Variants in DOK5 observed in about 807,000 individuals in gnomAD.
The protein encoded by DOK5 is downstream of tyrosine kinase 5.
Under a neutral mutation model 43.3 loss-of-function variants are expected in DOK5, and 27 were observed. That is an observed-to-expected ratio of 0.62 (90% CI 0.46 to 0.86). The LOEUF is 0.86. DOK5 is among the 40% of genes least tolerant of loss of function. The probability of loss-of-function intolerance (pLI) is 0.00; values close to 1 mark genes in which losing one functional copy is unlikely to be tolerated. For synonymous variants in DOK5, 146 were observed against 140.1 expected, an observed-to-expected ratio of 1.04 and a Z score of -0.30; for missense variants, 373 against 392.9, an observed-to-expected ratio of 0.95 and a Z score of 0.43.
At position 54,543,695 on chromosome 20, in the gene DOK5, G is replaced by T. The variant is rs186816400; in HGVS notation, c.67-11238G>T. ...AACCTCCGCCTAATTTACAGAATGAGTGTATATGTATATAAACTAGAAGAG... is the reference window on the plus strand; with the variant it reads ...AACCTCCGCCTAATTTACAGAATGATTGTATATGTATATAAACTAGAAGAG... On this transcript the variant is annotated intron_variant, in intron 1 of 7. Coordinates refer to ENST00000262593, the MANE Select transcript of DOK5 (RefSeq NM_018431.5). Among the ~76,000 whole-genome samples the T allele has an allele frequency of 3.3e-5, 5 of 152,154 alleles. No individual in the cohort carries two copies. The East Asian group carries it at 5.8e-4, about 18-fold the overall frequency.
At chr20:54,586,637 G>A (rs928790076) in intron 2 of DOK5, among the ~76,000 whole-genome samples, 15 of 152,220 alleles carry the variant, frequency 9.9e-5, no homozygotes, top group African/African-American at 3.6e-4. Flanking sequence ...AAATAGGAAA[G>A]GTATAGGACA....
At chr20:54,624,651 G>A (rs1600746542) in intron 6 of DOK5, among the ~76,000 whole-genome samples, 2 of 141,690 alleles carry the variant, frequency 1.4e-5, no homozygotes, top group East Asian at 3.8e-4. Context: ...CAATGTATAG[G>A]TGGGGGAGAG....
At chr20:54,589,893 C>T (rs1237302906) in intron 4 of DOK5, among the ~76,000 whole-genome samples, 1 of 152,096 alleles carries the variant, frequency 6.6e-6, no homozygotes, top group Non-Finnish European at 1.5e-5. Flanking sequence ...AGAGGAGCCT[C>T]TTTGTAGATT....
intron 6 of DOK5, among the ~76,000 whole-genome samples, chr20:54,621,232 C>T (rs1600743424): frequency 6.6e-6 from 1 of 152,170 alleles, no homozygotes; most frequent in Non-Finnish European, 1.5e-5. Flanking sequence ...TGGGAAGAGG[C>T]TTTCATGTAT....
intron 5 of DOK5, among the ~76,000 whole-genome samples, chr20:54,603,002 T>G (rs974526886): frequency 5.3e-5 from 8 of 152,282 alleles, no homozygotes; most frequent in East Asian, 1.9e-4. Flanking sequence ...TGCTTTCAAT[T>G]TATAACAGGG....
chr20:54,636,737 A>C (rs1978840340), intron 6 of DOK5, among the ~76,000 whole-genome samples: 1 of 152,202 alleles, frequency 6.6e-6, no homozygotes, highest in Non-Finnish European at 1.5e-5. Context: ...ACATCAATTA[A>C]GCTCTTTCTT....
rs756340071 is a variant in DOK5 at position 54,478,580 on chromosome 20, C to T, written c.66+2568C>T. On this transcript the variant is annotated intron_variant, in intron 1 of 7. Transcript: ENST00000262593. ...AATGGAATCCAGACCATGTTTGGGA[C>T]GGTTTATAATTAAATACAAAAACAT... Among the ~76,000 whole-genome samples, 45 of 152,242 alleles carry T rather than the reference C, an allele frequency of 3.0e-4. No homozygotes were observed. In the South Asian group the frequency reaches 3.5e-3, roughly 12 times the overall value.
intron 5 of DOK5, 84 bp from the exon 6 acceptor site, chr20:54,610,304 G>A: frequency 7.5e-7 from 1 of 1,325,878 alleles, no homozygotes; most frequent in Middle Eastern, 2.2e-4. Flanking sequence ...AATGGGCGCA[G>A]CCTAATGGAG....
intron 1 of DOK5, among the ~76,000 whole-genome samples, chr20:54,487,487 G>T (rs1325958737): frequency 6.6e-6 from 1 of 152,154 alleles, no homozygotes; most frequent in African/African-American, 2.4e-5. Context: ...AACTTACAGT[G>T]CAGGTATTAT....
At chr20:54,529,126 A>T (rs1983677552) in intron 1 of DOK5, among the ~76,000 whole-genome samples, 1 of 152,228 alleles carries the variant, frequency 6.6e-6, no homozygotes, top group South Asian at 2.1e-4. Context: ...GCAGAGATAC[A>T]GTTCTAATGA....
At chr20:54,628,545 C>T (rs936025496) in intron 6 of DOK5, among the ~76,000 whole-genome samples, 2 of 150,636 alleles carry the variant, frequency 1.3e-5, no homozygotes, top group Non-Finnish European at 2.9e-5. Flanking sequence ...TGTCTGTATG[C>T]CCTAAGAATG....
intron 1 of DOK5, among the ~76,000 whole-genome samples, chr20:54,529,649 T>C (rs975066828): frequency 1.3e-5 from 2 of 152,222 alleles, no homozygotes; most frequent in African/African-American, 4.8e-5. Context: ...TGTGTAACCA[T>C]CATCACAATG....
intron 1 of DOK5, among the ~76,000 whole-genome samples, chr20:54,499,468 C>T (rs1368356435): frequency 5.3e-5 from 8 of 152,292 alleles, no homozygotes; most frequent in Non-Finnish European, 1.5e-5. Context: ...CATCAGAATG[C>T]TGGATGGATG....
At chr20:54,557,917 A>G (rs977196960) in intron 2 of DOK5, among the ~76,000 whole-genome samples, 6 of 152,170 alleles carry the variant, frequency 3.9e-5, no homozygotes, top group Non-Finnish European at 8.8e-5. Flanking sequence ...CCCGCATAAA[A>G]TACGGTCTAC....
At chr20:54,626,676 A>T (rs1197074747) in intron 6 of DOK5, among the ~76,000 whole-genome samples, 1 of 152,208 alleles carries the variant, frequency 6.6e-6, no homozygotes, top group Non-Finnish European at 1.5e-5. Context: ...ATCTACATAT[A>T]TACATAGACA....
chr20:54,622,364 G>A (rs1987007659), intron 6 of DOK5, among the ~76,000 whole-genome samples: 1 of 152,164 alleles, frequency 6.6e-6, no homozygotes, highest in Admixed American at 6.5e-5. Flanking sequence ...CTGTGTATTA[G>A]GGGAAGAAAA....
chr20:54,575,489 G>A (rs1012354851), intron 2 of DOK5, among the ~76,000 whole-genome samples: 13 of 152,150 alleles, frequency 8.5e-5, no homozygotes, highest in African/African-American at 3.1e-4. Flanking sequence ...CACCCAGGCT[G>A]GAGTGCAGTG....
chr20:54,647,173 G>T (rs1016133939), intron 7 of DOK5, among the ~76,000 whole-genome samples: 3 of 151,996 alleles, frequency 2.0e-5, no homozygotes, highest in Non-Finnish European at 4.4e-5. Flanking sequence ...TCTCTTCTAT[G>T]ATTATGCAGA....
intron 1 of DOK5, among the ~76,000 whole-genome samples, chr20:54,517,663 A>T (rs1023902306): frequency 6.6e-6 from 1 of 152,148 alleles, no homozygotes; most frequent in Non-Finnish European, 1.5e-5. Context: ...CAGTGGCTGG[A>T]ATATTTATGC....
Sources: gnomAD v4.1 joint callset for allele counts (sites outside exome capture counted in the v4.1 genomes callset) on GRCh38, gnomAD v4.1.1 for gene constraint, MANE v1.5 for transcripts, NCBI Gene and HGNC (gene_info 2026-07-23, HGNC 2026-07-21) for gene names.